ENKUR: variants seen among roughly 807,000 people sequenced by gnomAD.
ENKUR encodes enkurin.
A neutral mutation model predicts 27.6 loss-of-function variants in ENKUR; 19 were observed. The ratio of observed to expected loss-of-function variants is 0.69; its 90% CI spans 0.48 to 1.01. The LOEUF (loss-of-function observed/expected upper bound fraction) is 1.01, where lower values mean the gene tolerates loss of function less well. ENKUR is among the 50% of genes least tolerant of loss of function. The pLI, the probability that ENKUR is intolerant of heterozygous loss-of-function variation, is 0.00. For synonymous variants in ENKUR, 117 were observed against 96.9 expected (o/e 1.21, Z -1.22); for missense variants, 312 against 310.5 (o/e 1.00, Z -0.04).
chr10:25,054,711 C>A (rs953979531), intron 2 of ENKUR, among the ~76,000 whole-genome samples: 1 of 147,356 alleles, frequency 6.8e-6, no homozygotes, highest in Non-Finnish European at 1.5e-5. Context: ...GAGACAGGGT[C>A]TCACTCTGTC....
intron 2 of ENKUR, among the ~76,000 whole-genome samples, chr10:25,058,610 G>C (rs1253674042): frequency 1.3e-5 from 2 of 152,188 alleles, no homozygotes; most frequent in Admixed American, 1.3e-4. Context: ...TAGCCAACAA[G>C]AGAGAGACCT....
chr10:25,001,428 T>C (rs531579119), intron 1 of ENKUR, among the ~76,000 whole-genome samples: 2 of 152,230 alleles, frequency 1.3e-5, no homozygotes, highest in East Asian at 3.9e-4. Context: ...TGAGATTTCA[T>C]CAAATTTGAC....
At chr10:24,997,541 C>T (rs1850091808) in intron 2 of ENKUR, among the ~76,000 whole-genome samples, 1 of 151,850 alleles carries the variant, frequency 6.6e-6, no homozygotes. Flanking sequence ...TGTGCATCAG[C>T]ACACCTAGCT....
At chr10:24,996,436 A>G (rs28472301) in intron 2 of ENKUR, among the ~76,000 whole-genome samples, 1 of 148,516 alleles carries the variant, frequency 6.7e-6, no homozygotes, top group Non-Finnish European at 1.5e-5. Flanking sequence ...AAGATCATAT[A>G]TGTGTGTGTG....
In ENKUR at chr10:25,031,815, TA is replaced by T. The variant is rs753933264; in HGVS notation, c.37+29296del. ...ATACAAAAGTCTTTTTTTTTTTTTT[TA>T]AACTCTTTAAGGAATTTTTAAAGCC... On this transcript the variant is annotated intron_variant, in intron 2 of 5. Transcript: ENST00000615958. 3.1e-4 allele frequency among the ~76,000 whole-genome samples: 44 copies of T among 141,016 alleles called. No individual in the cohort carries two copies. The East Asian group carries it at 8.1e-3, about 26-fold the overall frequency. The allele number at this position is 141,016 out of a possible 152,430, so 92.5% of individuals were successfully genotyped here.
intron 3 of ENKUR, among the ~76,000 whole-genome samples, chr10:24,991,716 C>T (rs1849933396): frequency 1.3e-5 from 2 of 152,304 alleles, no homozygotes; most frequent in South Asian, 4.1e-4. Context: ...ACGTGTGATC[C>T]AATTCTTCAA....
intron 2 of ENKUR, among the ~76,000 whole-genome samples, chr10:24,998,657 G>A (rs1481536826): frequency 1.3e-5 from 2 of 151,848 alleles, no homozygotes; most frequent in Admixed American, 1.3e-4. Context: ...TGAAGAAATT[G>A]CTTCCATACA....
chr10:25,058,498 G>A (rs1233068595), intron 2 of ENKUR, among the ~76,000 whole-genome samples: 1 of 152,146 alleles, frequency 6.6e-6, no homozygotes, highest in Non-Finnish European at 1.5e-5. Flanking sequence ...ATGAGTCGTT[G>A]GGACCAGACT....
chr10:24,993,673 T>G (rs750722900), intron 3 of ENKUR, among the ~76,000 whole-genome samples: 2 of 152,224 alleles, frequency 1.3e-5, no homozygotes, highest in Non-Finnish European at 2.9e-5. Context: ...ATTGAGTAAG[T>G]CTTTCATGAG....
At chr10:25,028,704 TC>T (rs1850898910) in intron 2 of ENKUR, among the ~76,000 whole-genome samples, 1 of 152,186 alleles carries the variant, frequency 6.6e-6, no homozygotes, top group Admixed American at 6.5e-5. Context: ...CCTGTCTTTT[TC>T]TCCAGAGTGT....
intron 2 of ENKUR, among the ~76,000 whole-genome samples, chr10:25,032,871 T>C (rs1015991684): frequency 1.3e-5 from 2 of 152,238 alleles, no homozygotes; most frequent in African/African-American, 2.4e-5. Context: ...GAATCGTTTC[T>C]GGTGCTAGCC....
At chr10:25,058,793 T>C (rs1402492783) in intron 2 of ENKUR, among the ~76,000 whole-genome samples, 2 of 151,832 alleles carry the variant, frequency 1.3e-5, no homozygotes, top group Non-Finnish European at 2.9e-5. Flanking sequence ...TAGCCAGGTG[T>C]AGTGGCTCAT....
At chr10:25,034,911 C>G (rs1158177946) in intron 2 of ENKUR, among the ~76,000 whole-genome samples, 1 of 151,992 alleles carries the variant, frequency 6.6e-6, no homozygotes, top group African/African-American at 2.4e-5. Flanking sequence ...TTACTGGCAT[C>G]AGAAAGAAGA....
At chr10:25,021,780 A>G (rs1275466371) in intron 2 of ENKUR, 3 of 152,202 alleles carry the variant, frequency 2.0e-5, no homozygotes, top group African/African-American at 7.2e-5. Context: ...CCTCAGAGTC[A>G]ACAAACTCTT....
At chr10:25,011,917 G>C (rs1443569702) in intron 1 of ENKUR, among the ~76,000 whole-genome samples, 1 of 152,188 alleles carries the variant, frequency 6.6e-6, no homozygotes, top group Non-Finnish European at 1.5e-5. Context: ...GCCTGTCAGA[G>C]GTCTCCACAG....
Position 25,015,916 on chromosome 10 carries a change from A to G in ENKUR, c.21T>C (p.Ser7=), listed in dbSNP as rs757460349. The stretch of plus-strand genomic sequence containing the variant: ...TGGGTATGAGGTTATAAATGCACTC[A>G]GAAGAGCACGTTGGATCCATGGCCA... MDPTCS[S]ECIYNLIPSD... The change falls in exon 1 of 6, where the codon TCT becomes TCC. Residue 7 remains serine, a synonymous_variant. Transcript: ENST00000331161. 6.8e-6 allele frequency: 11 copies of G among 1,608,654 alleles called. No homozygotes were observed. The Admixed American group carries it at 1.2e-4, about 17-fold the overall frequency.
At chr10:25,001,240 CTAAAGA>C (rs1850183090) in intron 1 of ENKUR, among the ~76,000 whole-genome samples, 1 of 151,896 alleles carries the variant, frequency 6.6e-6, no homozygotes, top group Admixed American at 6.6e-5. Flanking sequence ...TCCATCGTTT[CTAAAGA>C]TAAATTTACT....
chr10:25,038,946 G>A (rs888545872), intron 2 of ENKUR, among the ~76,000 whole-genome samples: 1 of 152,152 alleles, frequency 6.6e-6, no homozygotes, highest in African/African-American at 2.4e-5. Flanking sequence ...TGTGTACAGT[G>A]AGAATTACTG....
At chr10:25,034,086 A>G (rs1358495534) in intron 2 of ENKUR, among the ~76,000 whole-genome samples, 2 of 151,978 alleles carry the variant, frequency 1.3e-5, no homozygotes, top group East Asian at 3.9e-4. Context: ...TTAACTATGA[A>G]TGTGAAAATT....
Sources: allele counts gnomAD v4.1 joint callset (sites outside exome capture counted in the v4.1 genomes callset), GRCh38; gene constraint gnomAD v4.1.1; transcripts MANE v1.5; gene names NCBI Gene and HGNC (gene_info 2026-07-23, HGNC 2026-07-21).